The following NAALADL2 variants were observed in gnomAD, a reference collection of about 807,000 sequenced individuals.
NAALADL2 encodes inactive N-acetylated-alpha-linked acidic dipeptidase-like protein 2.
A neutral mutation model predicts 87.2 loss-of-function variants in NAALADL2; 76 were observed. That is an observed-to-expected ratio of 0.87 (90% CI 0.72 to 1.05). The LOEUF (loss-of-function observed/expected upper bound fraction) is 1.05. NAALADL2 is among the 50% of genes least tolerant of loss of function. The pLI, the probability that NAALADL2 is intolerant of heterozygous loss-of-function variation, is 0.00. For synonymous variants in NAALADL2, 354 were observed against 331.0 expected (o/e 1.07, Z -0.75); for missense variants, 1,089 against 945.8 (o/e 1.15, Z -1.99).
At chr3:174,590,935 T>G (rs1353492499) in intron 2 of NAALADL2, among the ~76,000 whole-genome samples, 2 of 152,108 alleles carry the variant, frequency 1.3e-5, no homozygotes, top group African/African-American at 4.8e-5. Flanking sequence ...CATGTTTCCT[T>G]TCTCCACAGT....
chr3:175,741,586 T>G (rs1056437198), intron 12 of NAALADL2, among the ~76,000 whole-genome samples: 6 of 145,334 alleles, frequency 4.1e-5, no homozygotes, highest in South Asian at 4.5e-4. Context: ...AAAATAGCTG[T>G]TTTTTTTTTA....
chr3:174,575,295 C>T (rs1265456902), intron 2 of NAALADL2, among the ~76,000 whole-genome samples: 5 of 152,048 alleles, frequency 3.3e-5, no homozygotes, highest in African/African-American at 1.2e-4. Flanking sequence ...AAAATTATGA[C>T]AGCAGTAAAC....
intron 13 of NAALADL2, among the ~76,000 whole-genome samples, chr3:175,797,179 A>C (rs1489270458): frequency 6.6e-6 from 1 of 152,062 alleles, no homozygotes; most frequent in East Asian, 1.9e-4. Context: ...TTCCTTTAGT[A>C]GTCTCTTTAT....
chr3:175,669,182 A>G (rs1733605138), intron 11 of NAALADL2, among the ~76,000 whole-genome samples: 1 of 147,312 alleles, frequency 6.8e-6, no homozygotes, highest in South Asian at 2.1e-4. Flanking sequence ...CCCAAACAAA[A>G]TAAGAGTTAT....
intron 2 of NAALADL2, among the ~76,000 whole-genome samples, chr3:174,667,481 G>A (rs988343405): frequency 6.6e-6 from 1 of 151,748 alleles, no homozygotes; most frequent in Non-Finnish European, 1.5e-5. Context: ...CCACGCAGTT[G>A]AGTTGGCATT....
At chr3:175,269,447 C>T (rs563056272) in intron 4 of NAALADL2, among the ~76,000 whole-genome samples, 83 of 152,284 alleles carry the variant, frequency 5.5e-4, no homozygotes, top group Admixed American at 1.2e-3. Flanking sequence ...TGCACTACAA[C>T]GTTAGGACAC....
chr3:175,080,138 T>C (rs1717500423), intron 1 of NAALADL2, among the ~76,000 whole-genome samples: 1 of 152,104 alleles, frequency 6.6e-6, no homozygotes, highest in African/African-American at 2.4e-5. Context: ...GCTAATTTTT[T>C]GTATTTTTAG....
chr3:175,368,259 A>G (rs1449879151), intron 5 of NAALADL2, among the ~76,000 whole-genome samples: 1 of 152,152 alleles, frequency 6.6e-6, no homozygotes, highest in Non-Finnish European at 1.5e-5. Flanking sequence ...TCGGGTTGCC[A>G]GTATTTTATT....
chr3:175,706,679 A>G (rs551529717), intron 11 of NAALADL2, among the ~76,000 whole-genome samples: 55 of 152,318 alleles, frequency 3.6e-4, no homozygotes, highest in Non-Finnish European at 5.4e-4. Context: ...TTTGTTGACC[A>G]ACCTAAATTC....
chr3:174,828,419 T>C (rs75244744), intron 3 of NAALADL2, among the ~76,000 whole-genome samples: 2,996 of 152,306 alleles, frequency 0.02, 103 homozygotes, highest in African/African-American at 0.069. Flanking sequence ...GAGGTGTTGT[T>C]CTCACATTAA....
chr3:175,190,497 C>A (rs1429678332), intron 2 of NAALADL2, among the ~76,000 whole-genome samples: 1 of 152,074 alleles, frequency 6.6e-6, no homozygotes, highest in Non-Finnish European at 1.5e-5. Context: ...CATGATATAT[C>A]AACTCACACC....
rs531296361 is a variant in NAALADL2, at chr3:174,789,700, G to A, written c.-9+51954G>A. Among the ~76,000 whole-genome samples the A allele has an allele frequency of 2.0e-5, 3 of 152,300 alleles. No individual in the cohort carries two copies. The South Asian group carries it at 6.2e-4, about 32-fold the overall frequency. ...AAGAGGAATGGAGATGACTTTAACT[G>A]TATACCATCAGCAGCTAATATCATA... On this transcript the variant is annotated intron_variant, in intron 3 of 3. Coordinates refer to the NAALADL2 transcript ENST00000434257.
At chr3:175,458,102 A>G (rs78489528) in intron 6 of NAALADL2, among the ~76,000 whole-genome samples, 3,190 of 152,056 alleles carry the variant, frequency 0.021, 118 homozygotes, top group African/African-American at 0.072. Flanking sequence ...TTTTGGCACC[A>G]TAAGATGTAC....
intron 10 of NAALADL2, among the ~76,000 whole-genome samples, chr3:175,583,969 A>G (rs1267375401): frequency 6.6e-6 from 1 of 152,104 alleles, no homozygotes; most frequent in African/African-American, 2.4e-5. Flanking sequence ...AGTCTTTTAT[A>G]CATGTTAACT....
intron 3 of NAALADL2, among the ~76,000 whole-genome samples, chr3:174,748,644 T>C (rs58912054): frequency 0.013 from 2,039 of 152,298 alleles, 52 homozygotes; most frequent in African/African-American, 0.048. Context: ...TTTTGTGTTT[T>C]CGGTAGTTTC....
intron 1 of NAALADL2, among the ~76,000 whole-genome samples, chr3:174,468,712 C>A (rs1293540250): frequency 2.0e-5 from 3 of 149,508 alleles, no homozygotes; most frequent in Admixed American, 2.0e-4. Flanking sequence ...CTAAAATATA[C>A]CCAGATTTAC....
At chr3:175,114,104 A>G (rs531127703) in intron 2 of NAALADL2, among the ~76,000 whole-genome samples, 99 of 151,800 alleles carry the variant, frequency 6.5e-4, no homozygotes, top group African/African-American at 2.3e-3. Context: ...TCAGAGGAAT[A>G]TAGTACAGTC....
intron 3 of NAALADL2, among the ~76,000 whole-genome samples, chr3:174,852,541 A>C (rs530756620): frequency 6.6e-6 from 1 of 152,260 alleles, no homozygotes; most frequent in Admixed American, 6.5e-5. Context: ...AAACTATAAA[A>C]CATTGATGAA....
At chr3:174,733,575 C>T (rs1010022915) in intron 2 of NAALADL2, among the ~76,000 whole-genome samples, 2 of 152,214 alleles carry the variant, frequency 1.3e-5, no homozygotes, top group African/African-American at 4.8e-5. Flanking sequence ...AAGGCTTGAG[C>T]TTCTTTGTGA....
Sources: gnomAD v4.1 joint callset for allele counts (sites outside exome capture counted in the v4.1 genomes callset) on GRCh38, gnomAD v4.1.1 for gene constraint, MANE v1.5 for transcripts, NCBI Gene and HGNC (gene_info 2026-07-23, HGNC 2026-07-21) for gene names.